The following ATXN1 variants were observed in gnomAD, a reference collection of about 807,000 sequenced individuals.
ATXN1 encodes ataxin-1.
ATXN1 carries 8 observed loss-of-function variants against 56.4 expected under a neutral mutation model. The ratio of observed to expected loss-of-function variants is 0.14; its 90% CI spans 0.08 to 0.26. The LOEUF (loss-of-function observed/expected upper bound fraction) is 0.26, where lower values mean the gene tolerates loss of function less well. Among genes scored for constraint, ATXN1 ranks in the 10% least tolerant of loss-of-function variants. The pLI is 1.00. For synonymous variants in ATXN1, 514 were observed against 494.6 expected (o/e 1.04, Z -0.52); for missense variants, 987 against 1,106.5 (o/e 0.89, Z 1.53).
chr6:16,662,969 A>ATTT (rs57242101), intron 2 of ATXN1, among the ~76,000 whole-genome samples: 18 of 129,598 alleles, frequency 1.4e-4, no homozygotes, highest in South Asian at 2.5e-4. Context: ...TTCTGTTTGG[A>ATTT]TTTTTTTTTT....
intron 6 of ATXN1, among the ~76,000 whole-genome samples, chr6:16,355,482 G>A (rs80115059): frequency 0.028 from 4,217 of 152,216 alleles, 189 homozygotes; most frequent in African/African-American, 0.086. Context: ...GGTGGGGGAG[G>A]AGAAGCCCCA....
intron 3 of ATXN1, among the ~76,000 whole-genome samples, chr6:16,630,851 T>C (rs757933452): frequency 2.0e-5 from 3 of 152,226 alleles, no homozygotes; most frequent in Admixed American, 2.0e-4. Context: ...TTGCTATTAA[T>C]AGAAATAATA....
intron 2 of ATXN1, among the ~76,000 whole-genome samples, chr6:16,720,793 G>A (rs1358938507): frequency 1.3e-5 from 2 of 152,190 alleles, no homozygotes; most frequent in African/African-American, 2.4e-5. Context: ...CTTTGAGCCT[G>A]TAGAAAAGAA....
chr6:16,450,030 A>G (rs1759723067), intron 6 of ATXN1, among the ~76,000 whole-genome samples: 1 of 152,240 alleles, frequency 6.6e-6, no homozygotes. Context: ...TTATGCTAAC[A>G]AAATTTTCCT....
At chr6:16,332,941 A>G (rs975344046) in intron 6 of ATXN1, among the ~76,000 whole-genome samples, 6 of 152,244 alleles carry the variant, frequency 3.9e-5, no homozygotes, top group Admixed American at 1.3e-4. Context: ...AGATATCCAG[A>G]TGATTCTATG....
chr6:16,389,492 C>T (rs1215208814), intron 6 of ATXN1, among the ~76,000 whole-genome samples: 1 of 152,178 alleles, frequency 6.6e-6, no homozygotes, highest in Non-Finnish European at 1.5e-5. Context: ...CATTTGACTT[C>T]CTTTTGCCTT....
At chr6:16,742,776 G>A (rs1459668557) in intron 2 of ATXN1, among the ~76,000 whole-genome samples, 1 of 152,112 alleles carries the variant, frequency 6.6e-6, no homozygotes, top group Non-Finnish European at 1.5e-5. Flanking sequence ...CTACCCCACC[G>A]GTTTCATACT....
chr6:16,735,975 T>C (rs4716092), intron 2 of ATXN1, among the ~76,000 whole-genome samples: 37,334 of 152,130 alleles, frequency 0.25, 5,226 homozygotes, highest in East Asian at 0.39. Context: ...TGAGAAAAAA[T>C]AGAATTAAAT....
intron 4 of ATXN1, among the ~76,000 whole-genome samples, chr6:16,582,755 A>G (rs189928996): frequency 2.6e-4 from 39 of 152,326 alleles, no homozygotes; most frequent in Admixed American, 2.3e-3. Context: ...TTGACAACCA[A>G]CACGTCTGCA....
chr6:16,638,653 C>A (rs1409143398), intron 3 of ATXN1, among the ~76,000 whole-genome samples: 1 of 152,072 alleles, frequency 6.6e-6, no homozygotes, highest in African/African-American at 2.4e-5. Context: ...ATTATAATTC[C>A]CTTCAATGCC....
At chr6:16,421,821 C>T (rs958982907) in intron 6 of ATXN1, among the ~76,000 whole-genome samples, 1 of 152,096 alleles carries the variant, frequency 6.6e-6, no homozygotes, top group Non-Finnish European at 1.5e-5. Context: ...TGAGTGTGTA[C>T]ACAGTGTGCA....
intron 4 of ATXN1, among the ~76,000 whole-genome samples, chr6:16,541,431 T>C (rs1761711263): frequency 6.6e-6 from 1 of 152,316 alleles, no homozygotes; most frequent in Non-Finnish European, 1.5e-5. Context: ...TCTTTGGAGC[T>C]CTTCTGTATT....
At chr6:16,499,988 T>A (rs960238137) in intron 5 of ATXN1, among the ~76,000 whole-genome samples, 1 of 152,116 alleles carries the variant, frequency 6.6e-6, no homozygotes, top group Non-Finnish European at 1.5e-5. Flanking sequence ...CAATAGAATT[T>A]TGGAAAGCTC....
intron 3 of ATXN1, among the ~76,000 whole-genome samples, chr6:16,651,133 A>G (rs1285569295): frequency 6.6e-6 from 1 of 152,222 alleles, no homozygotes; most frequent in African/African-American, 2.4e-5. Context: ...GAAAGAAAAG[A>G]CTTTAAGCAA....
intron 3 of ATXN1, among the ~76,000 whole-genome samples, chr6:16,655,341 C>A (rs916243915): frequency 3.3e-5 from 5 of 152,018 alleles, no homozygotes; most frequent in Non-Finnish European, 5.9e-5. Context: ...GACAACATAG[C>A]GAGACCTCGT....
intron 2 of ATXN1, among the ~76,000 whole-genome samples, chr6:16,704,007 G>A (rs1023289968): frequency 1.3e-5 from 2 of 152,160 alleles, no homozygotes; most frequent in East Asian, 1.9e-4. Context: ...CAACAAGAGC[G>A]AGATTCCATC....
intron 1 of ATXN1, among the ~76,000 whole-genome samples, chr6:16,758,999 T>A (rs142700394): frequency 3.1e-4 from 47 of 152,134 alleles, no homozygotes; most frequent in Non-Finnish European, 8.8e-5. Context: ...AAAGCTCAAG[T>A]ATCAAACTAC....
chr6:16,471,231 C>T (rs1346114774), intron 6 of ATXN1, among the ~76,000 whole-genome samples: 1 of 149,842 alleles, frequency 6.7e-6, no homozygotes, highest in Non-Finnish European at 1.5e-5. Context: ...CAATTCAAAA[C>T]TTGAAAAGGG....
chr6:16,327,272 C>A lies in ATXN1; in HGVS notation c.1039G>T (p.Ala347Ser). Reference protein sequence around the residue: ...PSSADLGLGKAGGKSVPHPYE... With the variant: ...PSSADLGLGKSGGKSVPHPYE... ...GGGTGAGGAACCGACTTGCCGCCTG[C>A]CTTGCCCAGGCCCAGGTCGGCTGAG... is the stretch of plus-strand genomic sequence containing the variant. The change falls in exon 7 of 8, where the codon GCA becomes TCA. Residue 347 changes from alanine to serine, a missense_variant. Transcript: ENST00000436367. The A allele has an allele frequency of 6.2e-7, 1 of 1,613,404 alleles. No homozygotes were observed. The highest frequency in any genetic ancestry group is 1.1e-5 in the South Asian group (1 of 91,060).
Sources: gnomAD v4.1 joint callset for allele counts (sites outside exome capture counted in the v4.1 genomes callset) on GRCh38, gnomAD v4.1.1 for gene constraint, MANE v1.5 for transcripts, NCBI Gene and HGNC (gene_info 2026-07-23, HGNC 2026-07-21) for gene names.